Variants in KALRN observed in about 807,000 individuals in gnomAD.
KALRN encodes kalirin.
A neutral mutation model predicts 353.7 loss-of-function variants in KALRN; 70 were observed. That is an observed-to-expected ratio of 0.20 (90% CI 0.16 to 0.24). KALRN has a LOEUF of 0.24. Ranked by LOEUF, KALRN falls within the 10% of genes least tolerant of loss-of-function variation. The pLI is 1.00. For synonymous variants in KALRN, 1,391 were observed against 1,434.8 expected (o/e 0.97, Z 0.69); for missense variants, 2,791 against 3,756.7 (o/e 0.74, Z 6.72).
intron 38 of KALRN, among the ~76,000 whole-genome samples, chr3:124,653,705 C>G (rs2150132818): frequency 6.6e-6 from 1 of 152,248 alleles, no homozygotes; most frequent in East Asian, 1.9e-4. Context: ...ATTCCCTATC[C>G]CTGTGAAAGG....
chr3:124,412,323 A>G (rs1354541957), intron 13 of KALRN, among the ~76,000 whole-genome samples: 1 of 152,144 alleles, frequency 6.6e-6, no homozygotes, highest in Non-Finnish European at 1.5e-5. Flanking sequence ...CCACTCAACT[A>G]AGGCTCTGGG....
At chr3:124,246,804 T>C (rs1222059379) in intron 3 of KALRN, among the ~76,000 whole-genome samples, 1 of 152,202 alleles carries the variant, frequency 6.6e-6, no homozygotes, top group South Asian at 2.1e-4. Flanking sequence ...CAGGTGTTTC[T>C]GGAGTTTGTG....
At chr3:124,662,019 C>T (rs1322080032) in intron 45 of KALRN, 91 bp downstream of exon 45, 8 of 986,672 alleles carry the variant, frequency 8.1e-6, no homozygotes, top group African/African-American at 3.2e-5. Flanking sequence ...GCCTTGTGTC[C>T]TGCCTGTGCC....
chr3:124,078,282 A>G (rs2060360978), intron 1 of KALRN, among the ~76,000 whole-genome samples: 4 of 152,244 alleles, frequency 2.6e-5, no homozygotes, highest in Admixed American at 1.3e-4. Context: ...ATTCTGTACT[A>G]TACTAGCATA....
Position 124,722,938 on chromosome 3 carries a change from T to C in KALRN, c.*3468T>C, listed in dbSNP as rs1048899205. 2.6e-5 allele frequency: 4 copies of C among 152,262 alleles called. No individual in the cohort carries two copies. The highest frequency in any genetic ancestry group is 9.6e-5 in the African/African-American group (4 of 41,470). 9.4% of individuals were successfully genotyped at this position (152,262 alleles called of 1,614,324 possible). ...GAATGAAAAGATCAGGGACAACCCA[T>C]AATAACTTTTAAGAAGTATTAATAT... On this transcript the variant is annotated 3_prime_UTR_variant, in exon 60 of 60. Transcript: ENST00000682506.
At chr3:124,258,074 C>A (rs1422896815) in intron 3 of KALRN, among the ~76,000 whole-genome samples, 1 of 152,140 alleles carries the variant, frequency 6.6e-6, no homozygotes, top group Non-Finnish European at 1.5e-5. Flanking sequence ...AATGAGAGAA[C>A]AGCCTTGGGG....
chr3:124,242,983 T>C (rs2080675311), intron 3 of KALRN, among the ~76,000 whole-genome samples: 1 of 152,182 alleles, frequency 6.6e-6, no homozygotes. Flanking sequence ...AAGAGATTAA[T>C]GAAAGACTAT....
At chr3:124,185,808 G>A (rs1194517605) in intron 1 of KALRN, among the ~76,000 whole-genome samples, 1 of 152,214 alleles carries the variant, frequency 6.6e-6, no homozygotes, top group African/African-American at 2.4e-5. Flanking sequence ...TCATTTGTCA[G>A]CCTAGCACTG....
chr3:124,722,214 T>C lies in KALRN; in HGVS notation c.*2744T>C, dbSNP rs2063366089. The C allele has an allele frequency of 6.6e-6, 1 of 152,160 alleles. No homozygotes were observed. Among genetic ancestry groups the C allele is most frequent in the Admixed American group, 6.5e-5 (1 of 15,270 alleles). 9.4% of individuals were successfully genotyped at this position (152,160 alleles called of 1,614,324 possible). A position where few individuals can be genotyped will look rare whatever the true frequency, so the allele number is the denominator to read the frequency against. ...CAAGGAGGGTATTTTTGAAATTATG[T>C]TATGGGGGCAGTTGACAGAATGTTA... On this transcript the variant is annotated 3_prime_UTR_variant, in exon 60 of 60. Coordinates refer to ENST00000682506, the MANE Select transcript of KALRN (RefSeq NM_001388419.1).
chr3:124,073,928 A>G (rs981024164), intron 1 of KALRN, among the ~76,000 whole-genome samples: 1 of 152,144 alleles, frequency 6.6e-6, no homozygotes, highest in African/African-American at 2.4e-5. Flanking sequence ...TGGTGTAGTA[A>G]GTTTCAAGGT....
intron 10 of KALRN, among the ~76,000 whole-genome samples, chr3:124,381,764 C>G (rs960600144): frequency 1.1e-4 from 16 of 152,288 alleles, no homozygotes; most frequent in African/African-American, 3.6e-4. Context: ...ATACCAGCCA[C>G]AGCACTTGGC....
chr3:124,591,314 C>G (rs1301532324), intron 34 of KALRN, among the ~76,000 whole-genome samples: 1 of 151,942 alleles, frequency 6.6e-6, no homozygotes, highest in African/African-American at 2.4e-5. Context: ...CTTTCCTTTT[C>G]TTTTTTTGAG....
At chr3:124,544,783 C>T (rs1393329178) in intron 33 of KALRN, among the ~76,000 whole-genome samples, 1 of 152,066 alleles carries the variant, frequency 6.6e-6, no homozygotes, top group Admixed American at 6.6e-5. Flanking sequence ...GTGCCTGGCA[C>T]ATAATAAGCA....
At chr3:124,181,442 GTTAAA>G (rs571254024) in intron 1 of KALRN, among the ~76,000 whole-genome samples, 64 of 152,246 alleles carry the variant, frequency 4.2e-4, no homozygotes, top group African/African-American at 1.5e-3. Context: ...TCAGAAGCAG[GTTAAA>G]TTAAATTAGA....
chr3:124,520,764 A>C (rs954676917), intron 33 of KALRN, among the ~76,000 whole-genome samples: 19 of 152,326 alleles, frequency 1.2e-4, no homozygotes, highest in East Asian at 1.9e-4. Context: ...CCAGTCAAGG[A>C]GGTTTCCATT....
At position 124,398,785 on chromosome 3, in the gene KALRN, G is replaced by A. The variant is rs2090488607; in HGVS notation, c.2260G>A (p.Val754Met). The A allele has an allele frequency of 1.9e-6, 3 of 1,614,168 alleles. No homozygotes were observed. The highest frequency in any genetic ancestry group is 2.5e-6 in the Non-Finnish European group (3 of 1,180,040). ...CCTGCAGCAGCTTGATGATGCCCAG[G>A]TGCAGATGGAGGAGCTGTTCCACGA... is the stretch of plus-strand genomic sequence containing the variant. The part of the protein sequence containing the change: ...SVLQQLDDAQ[V>M]QMEELFHERK... Residue 754 changes from valine (V) to methionine (M), a missense_variant, in exon 13 of 60, where the codon GTG becomes ATG. Physicochemically the swap from Val to Met is conservative, Grantham distance 21. Around this residue, in one of 11 missense-constraint regions of KALRN, gnomAD observed 452 missense variants for 575.8 expected, o/e 0.78. Coordinates refer to ENST00000682506, the MANE Select transcript of KALRN (RefSeq NM_001388419.1).
intron 1 of KALRN, among the ~76,000 whole-genome samples, chr3:124,211,750 C>G (rs572546540): frequency 7.4e-4 from 112 of 152,256 alleles, no homozygotes; most frequent in Non-Finnish European, 1.4e-3. Context: ...CAGTGCTTCT[C>G]GGGGCTCTCT....
At chr3:124,622,905 A>G (rs2079440760) in intron 34 of KALRN, among the ~76,000 whole-genome samples, 1 of 149,428 alleles carries the variant, frequency 6.7e-6, no homozygotes, top group Non-Finnish European at 1.5e-5. Context: ...GGCAAATTTT[A>G]CACTAAACCA....
At chr3:124,224,950 G>C (rs9840270) in intron 1 of KALRN, among the ~76,000 whole-genome samples, 18 of 152,238 alleles carry the variant, frequency 1.2e-4, no homozygotes, top group African/African-American at 4.3e-4. Flanking sequence ...ATTTTAGGAA[G>C]GGTCAACATT....
Sources: allele counts gnomAD v4.1 joint callset (sites outside exome capture counted in the v4.1 genomes callset), GRCh38; gene constraint gnomAD v4.1.1; regional missense constraint gnomAD v4.1.1; transcripts MANE v1.5; gene names NCBI Gene and HGNC (gene_info 2026-07-23, HGNC 2026-07-21).